PLIN3: variants seen among roughly 807,000 people sequenced by gnomAD.
The protein encoded by PLIN3 is perilipin-3.
PLIN3 carries 30 observed loss-of-function variants against 35.9 expected under a neutral mutation model. The observed-to-expected ratio is 0.84, with a 90% CI of 0.62 to 1.13. The LOEUF is 1.13. Ranked by LOEUF, PLIN3 falls within the 50% of genes most tolerant of loss-of-function variation. The probability of loss-of-function intolerance (pLI) is 0.00; values close to 1 mark genes in which losing one functional copy is unlikely to be tolerated. For missense variants in PLIN3, 603 were observed against 596.9 expected, an observed-to-expected ratio of 1.01 and a Z score of -0.11; for synonymous variants, 261 against 262.5, an observed-to-expected ratio of 0.99 and a Z score of 0.06.
rs749727671 is a variant in PLIN3 at position 4,858,692 on chromosome 19, GTT to G, written c.348+896_348+897del. ...CCACCGCGCCTGGCCAGAATATGGT[GTT>G]TTTTTGGTTTTTTTTTTTTTTTTTG... On this transcript the variant is annotated intron_variant, in intron 4 of 7. Coordinates refer to ENST00000221957, the MANE Select transcript of PLIN3 (RefSeq NM_005817.5). Among the ~76,000 whole-genome samples, 38 of 52,006 alleles carry G rather than the reference GTT, an allele frequency of 7.3e-4. 1 individual carries two copies. Among genetic ancestry groups the G allele is most frequent in the Admixed American group, 9.5e-4 (4 of 4,194 alleles). The allele number at this position is 52,006 out of a possible 152,430, so 34.1% of individuals were successfully genotyped here.
At chr19:4,861,112 AACCC>A (rs2030659634) in intron 2 of PLIN3, among the ~76,000 whole-genome samples, 4 of 152,142 alleles carry the variant, frequency 2.6e-5, no homozygotes, top group African/African-American at 9.7e-5. Flanking sequence ...TTTCAGACAG[AACCC>A]TGCTCCCTCA....
At chr19:4,840,931 C>T (rs554273764) in intron 7 of PLIN3, among the ~76,000 whole-genome samples, 3 of 152,110 alleles carry the variant, frequency 2.0e-5, no homozygotes, top group African/African-American at 7.2e-5. Flanking sequence ...GGCAACAGAG[C>T]GAGACTCTGT....
intron 6 of PLIN3, among the ~76,000 whole-genome samples, chr19:4,845,786 T>C (rs559931450): frequency 7.1e-6 from 1 of 140,894 alleles, no homozygotes; most frequent in South Asian, 2.3e-4. Flanking sequence ...TAGCCCAGCG[T>C]GGTGGTGGGC....
At position 4,839,130 on chromosome 19, in the gene PLIN3, T is replaced by C. The variant is rs528081317; in HGVS notation, c.*62A>G. 188 of 1,336,274 alleles carry C rather than the reference T, an allele frequency of 1.4e-4. No individual in the cohort carries two copies. The South Asian group carries it at 2.3e-3, about 17-fold the overall frequency. 82.8% of individuals were successfully genotyped at this position (1,336,274 alleles called of 1,614,324 possible). ...AATAAGTTTGAAATGAGCCCCGGGTTGAGGACTCCAGAGCACAGCTGCATT... is the reference window on the plus strand; with the variant it reads ...AATAAGTTTGAAATGAGCCCCGGGTCGAGGACTCCAGAGCACAGCTGCATT... On this transcript the variant is annotated 3_prime_UTR_variant, in exon 8 of 8. Coordinates refer to ENST00000221957, the MANE Select transcript of PLIN3 (RefSeq NM_005817.5).
At chr19:4,847,298 T>C (rs4807655) in intron 6 of PLIN3, among the ~76,000 whole-genome samples, 34,185 of 151,366 alleles carry the variant, frequency 0.23, 4,159 homozygotes, top group South Asian at 0.36. Context: ...CAAGCAATCG[T>C]CCCACCTCAG....
chr19:4,851,976 C>A, intron 5 of PLIN3, 40 bp downstream of exon 5: 3 of 1,587,968 alleles, frequency 1.9e-6, no homozygotes, highest in Non-Finnish European at 2.6e-6. Context: ...GTCAGGGGGC[C>A]TGGGGAGGGG....
intron 2 of PLIN3, 76 bp from the exon 3 acceptor site, chr19:4,860,100 C>T: frequency 1.5e-6 from 2 of 1,313,436 alleles, no homozygotes; most frequent in Non-Finnish European, 2.2e-6. Flanking sequence ...GGGTGCCCTG[C>T]AGTTTTGCTC....
In PLIN3 at chr19:4,859,806, C is replaced by T; in HGVS notation, c.265+20G>A. ...AAATGACCAGGAGGGGAATTCAGTG[C>T]CCCCTGGGACTTCACCCACTCTGGG... On this transcript the variant is annotated intron_variant, in intron 3 of 7. Transcript: ENST00000221957. The T allele has an allele frequency of 1.2e-6, 2 of 1,612,042 alleles. No individual in the cohort carries two copies. Among genetic ancestry groups the T allele is most frequent in the Non-Finnish European group, 1.7e-6 (2 of 1,178,932 alleles).
In PLIN3 at chr19:4,847,849, C is replaced by T. The variant is rs189557614; in HGVS notation, c.676G>A (p.Val226Met). The change falls in exon 6 of 8, where the codon GTG (valine) becomes ATG (methionine). Residue 226 changes from valine (V) to methionine (M), a missense_variant. Transcript: ENST00000221957. Reference protein sequence around the residue: ...TSLDGFDVASVQQQRQEQSYF... With the variant: ...TSLDGFDVASMQQQRQEQSYF... ...CTCTGTTCCTGCCGCTGCTGCTGCA[C>T]GGACGCGACGTCAAAGCCATCCAGG... 26 of 1,613,874 alleles carry T rather than the reference C, an allele frequency of 1.6e-5. No individual in the cohort carries two copies. The highest frequency in any genetic ancestry group is 9.3e-5 in the African/African-American group (7 of 75,014).
chr19:4,859,720 AGTAATG>A lies in PLIN3; in HGVS notation c.266-54_266-49del, dbSNP rs773840772. On this transcript the variant is annotated intron_variant, in intron 3 of 7. Transcript: ENST00000221957. Reference sequence around the variant, plus strand: ...AAATGTGACTGCTGGAAGGTCACCTAGTAATGGTTCAGGGGGACAGGACCAAGAGCT... The same window carrying A: ...AAATGTGACTGCTGGAAGGTCACCTAGTTCAGGGGGACAGGACCAAGAGCT... 5.0e-6 allele frequency: 8 copies of A among 1,600,458 alleles called. No individual in the cohort carries two copies. In the South Asian group the frequency reaches 8.8e-5, roughly 18 times the overall value.
At chr19:4,865,558 T>G (rs1467863576) in intron 1 of PLIN3, among the ~76,000 whole-genome samples, 1 of 151,764 alleles carries the variant, frequency 6.6e-6, no homozygotes, top group Non-Finnish European at 1.5e-5. Context: ...AATTCTGGTG[T>G]GAGCCTAAGA....
chr19:4,853,054 C>T (rs985164309), intron 4 of PLIN3, among the ~76,000 whole-genome samples: 3 of 151,990 alleles, frequency 2.0e-5, no homozygotes, highest in Admixed American at 6.6e-5. Flanking sequence ...CCTAGTGATC[C>T]GCCCACCTCA....
At position 4,839,502 on chromosome 19, in the gene PLIN3, TC is replaced by T; in HGVS notation, c.994del (p.Asp332ThrfsTer24). 6.5e-7 allele frequency: 1 copy of T among 1,540,994 alleles called. No homozygotes were observed. ...GGTGGCCTGCAGTTGCTGGGCAATG[TC>T]CCGGAACATGGTGAGCGCCCGGGAC... ...VESRALTMFR[D>X]IAQQLQATCT... On this transcript the variant is annotated frameshift_variant, in exon 8 of 8. Coordinates refer to ENST00000221957, the MANE Select transcript of PLIN3 (RefSeq NM_005817.5). LOFTEE classifies it low-confidence loss of function (END_TRUNC).
chr19:4,864,424 C>T (rs2030780788), intron 1 of PLIN3, among the ~76,000 whole-genome samples: 1 of 151,434 alleles, frequency 6.6e-6, no homozygotes, highest in Admixed American at 6.6e-5. Flanking sequence ...GCTGGGATTA[C>T]AGGATGAGTC....
At chr19:4,861,274 T>A in intron 2 of PLIN3, 55 bp downstream of exon 2, 1 of 1,513,014 alleles carries the variant, frequency 6.6e-7, no homozygotes, top group South Asian at 1.1e-5. Context: ...GTGGGAAGCC[T>A]CCTTGCACGG....
In PLIN3 at chr19:4,850,173, C is replaced by T. The variant is rs187521413; in HGVS notation, c.634+1843G>A. ...GTTGGTCAGGCTTGTCTCGAACTCCCGACCTCAACCTCCACCCGCCTCAGC... is the reference window on the plus strand; with the variant it reads ...GTTGGTCAGGCTTGTCTCGAACTCCTGACCTCAACCTCCACCCGCCTCAGC... On this transcript the variant is annotated intron_variant, in intron 5 of 7. Transcript: ENST00000221957. 2.3e-4 allele frequency among the ~76,000 whole-genome samples: 35 copies of T among 151,486 alleles called. No homozygotes were observed. The East Asian group carries it at 5.8e-3, about 25-fold the overall frequency.
intron 7 of PLIN3, among the ~76,000 whole-genome samples, chr19:4,842,560 A>AT (rs2146196051): frequency 7.3e-6 from 1 of 136,674 alleles, no homozygotes; most frequent in Admixed American, 8.4e-5. Flanking sequence ...AGATCATGAC[A>AT]TTGCACTCCA....
chr19:4,855,923 T>G (rs1599169854), intron 4 of PLIN3, among the ~76,000 whole-genome samples: 1 of 48,484 alleles, frequency 2.1e-5, no homozygotes, highest in Non-Finnish European at 4.6e-5. Flanking sequence ...AGACCTTGTC[T>G]CAAAAAAAAA....
In PLIN3 at chr19:4,866,950, A is replaced by G. The variant is rs150534740; in HGVS notation, c.-18+659T>C. The G allele has an allele frequency of 9.3e-3, 1,417 of 152,600 alleles. 25 individuals carry two copies. The highest frequency in any genetic ancestry group is 0.033 in the African/African-American group (1,357 of 41,584). 9.5% of individuals were successfully genotyped at this position (152,600 alleles called of 1,614,324 possible). A position where few individuals can be genotyped will look rare whatever the true frequency, so the allele number is the denominator to read the frequency against. ...TCCAGCAACTTCAGAGCATGCTAAG[A>G]CTGGACTTCCAAAATTCCAAGGGCC... On this transcript the variant is annotated intron_variant, in intron 1 of 7. Coordinates refer to ENST00000221957, the MANE Select transcript of PLIN3 (RefSeq NM_005817.5).
Sources: allele counts gnomAD v4.1 joint callset (sites outside exome capture counted in the v4.1 genomes callset), GRCh38; gene constraint gnomAD v4.1.1; transcripts MANE v1.5; gene names NCBI Gene and HGNC (gene_info 2026-07-23, HGNC 2026-07-21).